The following ADAMTSL1 variants were observed in gnomAD, a reference collection of about 807,000 sequenced individuals.
ADAMTSL1 encodes ADAMTS-like protein 1.
A neutral mutation model predicts 201.8 loss-of-function variants in ADAMTSL1; 126 were observed. The ratio of observed to expected loss-of-function variants is 0.62; its 90% CI spans 0.54 to 0.72. The LOEUF (loss-of-function observed/expected upper bound fraction) is 0.72, where lower values mean the gene tolerates loss of function less well. Ranked by LOEUF, ADAMTSL1 falls within the 30% of genes least tolerant of loss-of-function variation. The pLI is 0.00. For missense variants in ADAMTSL1, 2,679 were observed against 2,277.8 expected (o/e 1.18, Z -3.59); for synonymous variants, 1,121 against 903.4 (o/e 1.24, Z -4.32).
At chr9:18,455,474 AT>A (rs1820565483) in intron 2 of ADAMTSL1, among the ~76,000 whole-genome samples, 1 of 151,598 alleles carries the variant, frequency 6.6e-6, no homozygotes. Flanking sequence ...TCATAAATGC[AT>A]TTTGCACTTT....
intron 2 of ADAMTSL1, among the ~76,000 whole-genome samples, chr9:18,410,079 A>C (rs1818370840): frequency 6.6e-6 from 1 of 151,974 alleles, no homozygotes; most frequent in Non-Finnish European, 1.5e-5. Flanking sequence ...CCTTTATTAC[A>C]TTAAACAAAT....
intron 1 of ADAMTSL1, among the ~76,000 whole-genome samples, chr9:18,163,632 C>T (rs1210860740): frequency 6.6e-6 from 1 of 151,910 alleles, no homozygotes; most frequent in East Asian, 1.9e-4. Flanking sequence ...ATTGTACACC[C>T]GTCAGTTAAG....
intron 23 of ADAMTSL1, among the ~76,000 whole-genome samples, chr9:18,882,991 C>CAAA (rs34408343): frequency 5.3e-5 from 6 of 113,704 alleles, no homozygotes; most frequent in Non-Finnish European, 9.0e-5. Flanking sequence ...GAGCCTGCCT[C>CAAA]AAAAAAAAAA....
chr9:18,399,860 C>A (rs1817917138), intron 2 of ADAMTSL1, among the ~76,000 whole-genome samples: 1 of 152,002 alleles, frequency 6.6e-6, no homozygotes, highest in Non-Finnish European at 1.5e-5. Context: ...TGGTGCTGGT[C>A]CAAAATGTTC....
At chr9:18,561,672 T>C (rs990869246) in intron 3 of ADAMTSL1, among the ~76,000 whole-genome samples, 3 of 152,148 alleles carry the variant, frequency 2.0e-5, no homozygotes, top group African/African-American at 7.2e-5. Context: ...TAAGTCTCTT[T>C]TAGGTCTCTA....
chr9:17,991,866 G>C (rs916887314), intron 1 of ADAMTSL1, among the ~76,000 whole-genome samples: 3 of 152,078 alleles, frequency 2.0e-5, no homozygotes, highest in African/African-American at 7.2e-5. Context: ...TCCCTCGGGG[G>C]TGCTTCCTTG....
chr9:18,508,419 A>T (rs1817813240), intron 2 of ADAMTSL1, among the ~76,000 whole-genome samples: 1 of 152,170 alleles, frequency 6.6e-6, no homozygotes, highest in South Asian at 2.1e-4. Context: ...GGATGATTTC[A>T]TTTTAGATGA....
At chr9:18,239,551 C>T (rs139551562) in intron 2 of ADAMTSL1, among the ~76,000 whole-genome samples, 67 of 151,892 alleles carry the variant, frequency 4.4e-4, no homozygotes, top group Non-Finnish European at 6.5e-4. Flanking sequence ...CCAGCCTGGC[C>T]AACATAGTGA....
chr9:18,176,860 G>C (rs1031491387), intron 2 of ADAMTSL1, among the ~76,000 whole-genome samples: 10 of 152,132 alleles, frequency 6.6e-5, no homozygotes, highest in African/African-American at 2.4e-4. Flanking sequence ...ATTAATTCAG[G>C]ATATATCATC....
intron 23 of ADAMTSL1, among the ~76,000 whole-genome samples, chr9:18,838,402 C>CACAA (rs754001590): frequency 0.034 from 4,317 of 125,450 alleles, 296 homozygotes; most frequent in African/African-American, 0.12. Context: ...CACACACACA[C>CACAA]GCAAAAACCT....
chr9:18,670,465 T>C (rs1829742745), intron 9 of ADAMTSL1, among the ~76,000 whole-genome samples: 1 of 152,166 alleles, frequency 6.6e-6, no homozygotes, highest in Non-Finnish European at 1.5e-5. Flanking sequence ...TGAACAGCCT[T>C]CCTAAACTGC....
chr9:17,967,523 A>G (rs559004935), intron 1 of ADAMTSL1, among the ~76,000 whole-genome samples: 1 of 152,234 alleles, frequency 6.6e-6, no homozygotes, highest in African/African-American at 2.4e-5. Context: ...ACAACTCTCA[A>G]AGCAGTTGTG....
At chr9:18,472,201 T>C (rs1821242294), upstream of ADAMTSL1, among the ~76,000 whole-genome samples, 2 of 152,196 alleles carry the variant, frequency 1.3e-5, no homozygotes, top group African/African-American at 4.8e-5. Context: ...GAGAGACACA[T>C]GTAACATAGC....
At chr9:18,241,438 C>G (rs1022893061) in intron 2 of ADAMTSL1, among the ~76,000 whole-genome samples, 6 of 151,952 alleles carry the variant, frequency 3.9e-5, no homozygotes, top group Admixed American at 2.0e-4. Context: ...ATATCTTGTC[C>G]AGGTTATCAT....
At chr9:18,699,379 C>T (rs1261293356) in intron 13 of ADAMTSL1, among the ~76,000 whole-genome samples, 3 of 142,152 alleles carry the variant, frequency 2.1e-5, no homozygotes, top group African/African-American at 8.0e-5. Flanking sequence ...GGCTAGAGTG[C>T]GGTGGCACAA....
chr9:18,608,776 G>A (rs1361631177), intron 4 of ADAMTSL1, among the ~76,000 whole-genome samples: 1 of 152,040 alleles, frequency 6.6e-6, no homozygotes, highest in Non-Finnish European at 1.5e-5. Context: ...TTTTCTCTTA[G>A]GATTTTGTGA....
chr9:18,208,068 G>A (rs1352170180), intron 2 of ADAMTSL1, among the ~76,000 whole-genome samples: 1 of 152,042 alleles, frequency 6.6e-6, no homozygotes, highest in Non-Finnish European at 1.5e-5. Flanking sequence ...AGGTTTTCTT[G>A]CCTATGAAAT....
intron 2 of ADAMTSL1, among the ~76,000 whole-genome samples, chr9:18,271,650 G>C (rs1356479751): frequency 3.3e-5 from 5 of 152,114 alleles, no homozygotes; most frequent in African/African-American, 4.8e-5. Flanking sequence ...GTGCATGTGT[G>C]TTTATAGCAG....
At chr9:18,801,817 T>C (rs1344127543) in intron 20 of ADAMTSL1, among the ~76,000 whole-genome samples, 3 of 152,226 alleles carry the variant, frequency 2.0e-5, no homozygotes, top group Admixed American at 6.5e-5. Flanking sequence ...TGAAGAGTGC[T>C]GCAGTGAACA....
Sources: allele counts gnomAD v4.1 joint callset (sites outside exome capture counted in the v4.1 genomes callset), GRCh38; gene constraint gnomAD v4.1.1; transcripts MANE v1.5; gene names NCBI Gene and HGNC (gene_info 2026-07-23, HGNC 2026-07-21).